NFYB: variants seen among roughly 807,000 people sequenced by gnomAD.
The protein encoded by NFYB is nuclear transcription factor Y subunit beta, also known as CAAT box DNA-binding protein subunit B.
Under a neutral mutation model 28.0 loss-of-function variants are expected in NFYB, and 13 were observed. That is an observed-to-expected ratio of 0.46 (90% CI 0.30 to 0.74). NFYB has a LOEUF of 0.74. NFYB is among the 30% of genes least tolerant of loss of function. The pLI, the probability that NFYB is intolerant of heterozygous loss-of-function variation, is 0.07. For missense variants in NFYB, 142 were observed against 247.6 expected, an observed-to-expected ratio of 0.57 and a Z score of 2.86; for synonymous variants, 74 against 75.0, an observed-to-expected ratio of 0.99 and a Z score of 0.07.
intron 4 of NFYB, among the ~76,000 whole-genome samples, chr12:104,124,289 A>AT (rs1223609775): frequency 6.6e-6 from 1 of 152,246 alleles, no homozygotes; most frequent in African/African-American, 2.4e-5. Context: ...GTTTACTAAA[A>AT]AGCCTGCCTA....
At chr12:104,135,800 A>C (rs1035861486) in intron 1 of NFYB, among the ~76,000 whole-genome samples, 1 of 152,212 alleles carries the variant, frequency 6.6e-6, no homozygotes, top group Non-Finnish European at 1.5e-5. Flanking sequence ...ATAACCCTGA[A>C]TTTAGCCATA....
At chr12:104,126,034 A>C in intron 4 of NFYB, 80 bp downstream of exon 4, 19 of 1,374,764 alleles carry the variant, frequency 1.4e-5, no homozygotes, top group Non-Finnish European at 1.7e-5. Flanking sequence ...ATCAACAGCT[A>C]ACTGTACCCA....
chr12:104,122,028 CAAT>C (rs1366713157), intron 5 of NFYB, among the ~76,000 whole-genome samples: 6 of 152,154 alleles, frequency 3.9e-5, no homozygotes, highest in African/African-American at 1.4e-4. Context: ...AGAATTCAAT[CAAT>C]AATAAGACAT....
chr12:104,128,694 T>C (rs2136662447), intron 2 of NFYB, 177 bp from the exon 3 acceptor site: 1 of 325,756 alleles, frequency 3.1e-6, no homozygotes, highest in East Asian at 6.3e-5. Flanking sequence ...TGAGACAGGG[T>C]CTTACTCTGT....
Position 104,119,688 on chromosome 12 carries a change from C to T in NFYB, c.*49G>A. The T allele has an allele frequency of 7.1e-7, 1 of 1,407,722 alleles. No individual in the cohort carries two copies. 87.2% of individuals were successfully genotyped at this position (1,407,722 alleles called of 1,614,324 possible). On this transcript the variant is annotated 3_prime_UTR_variant, in exon 8 of 8. Coordinates refer to ENST00000240055, the MANE Select transcript of NFYB (RefSeq NM_006166.4). ...CCTTCTGATGTCTCTGTTCCAGAATCATACAGACTCTCATTTCTCTACACT... is the reference window on the plus strand; with the variant it reads ...CCTTCTGATGTCTCTGTTCCAGAATTATACAGACTCTCATTTCTCTACACT...
At chr12:104,122,246 C>T (rs2030503705) in intron 5 of NFYB, among the ~76,000 whole-genome samples, 1 of 152,188 alleles carries the variant, frequency 6.6e-6, no homozygotes. Flanking sequence ...ATTAAATAAT[C>T]TGTCCAAGGC....
rs561385714 is a variant in NFYB, at chr12:104,123,090, T to C, written c.429+136A>G. 3 of 640,132 alleles carry C rather than the reference T, an allele frequency of 4.7e-6. No homozygotes were observed. In the South Asian group the frequency reaches 6.0e-5, roughly 13 times the overall value. The allele number at this position is 640,132 out of a possible 1,614,324, so 39.7% of individuals were successfully genotyped here. A position where few individuals can be genotyped will look rare whatever the true frequency, so the allele number is the denominator to read the frequency against. ...ACTCAGGAGGCTGAGGCAGGAGAGT[T>C]GCTTGAACCCAGGAGGCAGAGGTTG... On this transcript the variant is annotated intron_variant, in intron 5 of 7. Transcript: ENST00000240055.
chr12:104,125,045 G>A (rs2030629616), intron 4 of NFYB, among the ~76,000 whole-genome samples: 1 of 151,914 alleles, frequency 6.6e-6, no homozygotes. Flanking sequence ...ATGACAATGA[G>A]TTTTAAAAGT....
Position 104,117,980 on chromosome 12 carries a change from C to T in NFYB, c.*1757G>A, listed in dbSNP as rs916981978. 1.3e-5 allele frequency: 2 copies of T among 152,068 alleles called. No individual in the cohort carries two copies. The highest frequency in any genetic ancestry group is 2.9e-5 in the Non-Finnish European group (2 of 68,018). 9.4% of individuals were successfully genotyped at this position (152,068 alleles called of 1,614,324 possible). A position where few individuals can be genotyped will look rare whatever the true frequency, so the allele number is the denominator to read the frequency against. On this transcript the variant is annotated 3_prime_UTR_variant, in exon 8 of 8. Transcript: ENST00000240055. ...GGATTCAGTGAAGTGCTGTTTATAA[C>T]TGTGAAAAGATGTAAATAGTCAAAA...
At position 104,136,119 on chromosome 12, in the gene NFYB, C is replaced by A. The variant is rs368093882; in HGVS notation, c.-79-587G>T. Among the ~76,000 whole-genome samples the A allele has an allele frequency of 1.0e-3, 157 of 152,228 alleles. 1 individual carries two copies. The South Asian group carries it at 0.02, about 19-fold the overall frequency. On this transcript the variant is annotated intron_variant, in intron 1 of 7. Coordinates refer to ENST00000240055, the MANE Select transcript of NFYB (RefSeq NM_006166.4). ...TATCAAAAAAGCAACACAATCAAGACCCTTATTTATAATTTTGAAGCACCA... is the reference window on the plus strand; with the variant it reads ...TATCAAAAAAGCAACACAATCAAGAACCTTATTTATAATTTTGAAGCACCA...
chr12:104,126,010 C>G (rs1186437365), intron 4 of NFYB, 104 bp downstream of exon 4: 6 of 1,194,924 alleles, frequency 5.0e-6, no homozygotes, highest in Non-Finnish European at 6.8e-6. Context: ...TTGCTGAAAG[C>G]CTGAATGATT....
At chr12:104,130,230 C>T (rs1461213989) in intron 2 of NFYB, among the ~76,000 whole-genome samples, 2 of 152,060 alleles carry the variant, frequency 1.3e-5, no homozygotes, top group Non-Finnish European at 2.9e-5. Flanking sequence ...GAAATTTGAC[C>T]CTTCATTAAG....
chr12:104,128,244 G>T (rs2030793957), intron 3 of NFYB, among the ~76,000 whole-genome samples, 180 bp downstream of exon 3: 1 of 152,114 alleles, frequency 6.6e-6, no homozygotes, highest in Non-Finnish European at 1.5e-5. Flanking sequence ...TCATTCTTTT[G>T]AAGACTATTT....
chr12:104,133,170 G>A lies in NFYB; in HGVS notation c.6+2278C>T, dbSNP rs563366788. On this transcript the variant is annotated intron_variant, in intron 2 of 7. Transcript: ENST00000240055. ...ATTGAACACTTTCTAAATATCTCATGCAATGTTCACAAGCCTGTGACGCAG... is the reference window on the plus strand; with the variant it reads ...ATTGAACACTTTCTAAATATCTCATACAATGTTCACAAGCCTGTGACGCAG... Among the ~76,000 whole-genome samples the A allele has an allele frequency of 5.9e-5, 9 of 152,200 alleles. No homozygotes were observed. The South Asian group carries it at 1.7e-3, about 28-fold the overall frequency.
At chr12:104,135,876 A>G (rs2031080963) in intron 1 of NFYB, among the ~76,000 whole-genome samples, 2 of 152,258 alleles carry the variant, frequency 1.3e-5, no homozygotes, top group Admixed American at 1.3e-4. Flanking sequence ...CAAGAGACCA[A>G]AAATTATACA....
At chr12:104,120,205 C>A (rs2030413801) in intron 7 of NFYB, among the ~76,000 whole-genome samples, 195 bp downstream of exon 7, 1 of 152,038 alleles carries the variant, frequency 6.6e-6, no homozygotes, top group Admixed American at 6.6e-5. Context: ...CAGGTACACG[C>A]CATGACGCCC....
At chr12:104,120,553 C>T in intron 6 of NFYB, 74 bp from the exon 7 acceptor site, 1 of 983,420 alleles carries the variant, frequency 1.0e-6, no homozygotes, top group Non-Finnish European at 1.6e-6. Flanking sequence ...TAAGGTTGTA[C>T]CATTAATGTC....
intron 3 of NFYB, among the ~76,000 whole-genome samples, chr12:104,126,920 G>T (rs1414220374): frequency 2.0e-5 from 3 of 152,112 alleles, no homozygotes; most frequent in Non-Finnish European, 4.4e-5. Flanking sequence ...GGAAAAACTG[G>T]ACTTGATTAT....
intron 6 of NFYB, among the ~76,000 whole-genome samples, chr12:104,120,988 T>C (rs977493482): frequency 3.3e-5 from 5 of 152,174 alleles, no homozygotes; most frequent in Non-Finnish European, 5.9e-5. Flanking sequence ...CTATCTCATA[T>C]GAATCTTCAC....
Sources: gnomAD v4.1 joint callset for allele counts (sites outside exome capture counted in the v4.1 genomes callset) on GRCh38, gnomAD v4.1.1 for gene constraint, MANE v1.5 for transcripts, NCBI Gene and HGNC (gene_info 2026-07-23, HGNC 2026-07-21) for gene names.